PCDH15: variants seen among roughly 807,000 people sequenced by gnomAD.
The protein encoded by PCDH15 is protocadherin-15.
Under a neutral mutation model 178.5 loss-of-function variants are expected in PCDH15, and 129 were observed. That is an observed-to-expected ratio of 0.72 (90% CI 0.63 to 0.84). PCDH15 has a LOEUF of 0.84. PCDH15 is among the 40% of genes least tolerant of loss of function. PCDH15 has a pLI of 0.00. For missense variants in PCDH15, 2,230 were observed against 2,099.9 expected, an observed-to-expected ratio of 1.06 and a Z score of -1.21; for synonymous variants, 800 against 732.0, an observed-to-expected ratio of 1.09 and a Z score of -1.50.
chr10:55,114,325 T>C (rs1303566705), intron 2 of PCDH15, among the ~76,000 whole-genome samples: 2 of 152,208 alleles, frequency 1.3e-5, no homozygotes, highest in Non-Finnish European at 2.9e-5. Flanking sequence ...TACGTTCTTT[T>C]CACAGTATCT....
intron 3 of PCDH15, among the ~76,000 whole-genome samples, chr10:54,889,486 T>C (rs1954421654): frequency 1.6e-5 from 2 of 124,582 alleles, no homozygotes; most frequent in Admixed American, 1.9e-4. Flanking sequence ...GTATTTTGAA[T>C]AGCTAATTGT....
At chr10:54,097,353 GGTGT>G (rs1158302289) in intron 15 of PCDH15, among the ~76,000 whole-genome samples, 1 of 152,034 alleles carries the variant, frequency 6.6e-6, no homozygotes, top group Non-Finnish European at 1.5e-5. Context: ...AAACATATCA[GGTGT>G]GTCTAAACTT....
chr10:54,677,325 A>T lies in PCDH15; in HGVS notation c.-28-13035T>A, dbSNP rs545964855. On this transcript the variant is annotated intron_variant, in intron 1 of 37. Coordinates refer to ENST00000644397, the MANE Select transcript of PCDH15 (RefSeq NM_001384140.1). ...AGCCCAGGAGTTCAAGGTTACAGTG[A>T]GATATGATCGTGTTACTGCAGGGAC... Among the ~76,000 whole-genome samples, 12 of 152,288 alleles carry T rather than the reference A, an allele frequency of 7.9e-5. No homozygotes were observed. The South Asian group carries it at 2.5e-3, about 32-fold the overall frequency.
chr10:54,491,848 C>T (rs976323705), intron 3 of PCDH15, among the ~76,000 whole-genome samples: 2 of 152,080 alleles, frequency 1.3e-5, no homozygotes, highest in East Asian at 3.9e-4. Flanking sequence ...TTGCTCATTA[C>T]TGATTCATCT....
intron 23 of PCDH15, among the ~76,000 whole-genome samples, chr10:53,956,153 A>G (rs1459166588): frequency 2.6e-5 from 4 of 152,148 alleles, no homozygotes; most frequent in Non-Finnish European, 5.9e-5. Flanking sequence ...ATATTAGTTG[A>G]AACAACAGTA....
At chr10:55,220,854 G>GT (rs796218622) in intron 1 of PCDH15, among the ~76,000 whole-genome samples, 19 of 151,828 alleles carry the variant, frequency 1.3e-4, no homozygotes, top group Admixed American at 9.2e-4. Flanking sequence ...TCCATTCAGT[G>GT]TTTTTTTGTT....
chr10:54,843,814 C>T (rs562680007), intron 3 of PCDH15, among the ~76,000 whole-genome samples: 37 of 151,894 alleles, frequency 2.4e-4, no homozygotes, highest in Admixed American at 3.3e-4. Flanking sequence ...ATACATCTTA[C>T]GGGGATCAGT....
intron 30 of PCDH15, among the ~76,000 whole-genome samples, chr10:53,830,525 T>G (rs12250628): frequency 6.6e-6 from 1 of 152,160 alleles, no homozygotes; most frequent in East Asian, 1.9e-4. Flanking sequence ...CAAGTCATTG[T>G]CTATAGAAAT....
At chr10:54,022,354 T>A (rs2092949945) in intron 19 of PCDH15, among the ~76,000 whole-genome samples, 1 of 152,026 alleles carries the variant, frequency 6.6e-6, no homozygotes, top group East Asian at 1.9e-4. Flanking sequence ...CAATACAGAA[T>A]AATGGGTATA....
At position 54,810,490 on chromosome 10, in the gene PCDH15, C is replaced by T. The variant is rs548021372; in HGVS notation, c.-29+86960G>A. On this transcript the variant is annotated intron_variant, in intron 3 of 5. Coordinates refer to the PCDH15 transcript ENST00000458638. ...TATGGATATTGTACATCTTTCTAGA[C>T]GTAACATCAACAAATTGGGAAAAAA... is the stretch of plus-strand genomic sequence containing the variant. Among the ~76,000 whole-genome samples, 89 of 152,012 alleles carry T rather than the reference C, an allele frequency of 5.9e-4. 1 individual carries two copies. Among genetic ancestry groups the T allele is most frequent in the African/African-American group, 1.9e-3 (79 of 41,476 alleles).
intron 2 of PCDH15, among the ~76,000 whole-genome samples, chr10:55,602,032 G>C (rs1225477581): frequency 2.0e-5 from 3 of 152,082 alleles, no homozygotes; most frequent in Non-Finnish European, 2.9e-5. Flanking sequence ...GGGTGCACGC[G>C]CCGTGCACCA....
intron 2 of PCDH15, among the ~76,000 whole-genome samples, chr10:55,149,413 A>T: frequency 6.6e-6 from 1 of 152,148 alleles, no homozygotes; most frequent in East Asian, 1.9e-4. Context: ...ACTTACACAT[A>T]TAGTATCAAT....
chr10:53,959,933 A>G, intron 22 of PCDH15, 89 bp from the exon 23 acceptor site: 2 of 1,017,340 alleles, frequency 2.0e-6, no homozygotes, highest in East Asian at 2.6e-5. Flanking sequence ...TACTTATTGG[A>G]TTGCCTGGTT....
chr10:54,188,435 T>C (rs931555498), intron 11 of PCDH15, among the ~76,000 whole-genome samples: 1 of 151,812 alleles, frequency 6.6e-6, no homozygotes, highest in Non-Finnish European at 1.5e-5. Flanking sequence ...TAAAATGAAT[T>C]TAAGTGTTAA....
intron 1 of PCDH15, among the ~76,000 whole-genome samples, chr10:54,717,414 GA>G (rs2095494081): frequency 7.2e-6 from 1 of 139,018 alleles, no homozygotes; most frequent in Non-Finnish European, 1.5e-5. Flanking sequence ...AAATTTACAA[GA>G]AAAAAACAAA....
At chr10:55,171,558 G>C (rs1839331989) in intron 1 of PCDH15, among the ~76,000 whole-genome samples, 1 of 151,946 alleles carries the variant, frequency 6.6e-6, no homozygotes, top group Non-Finnish European at 1.5e-5. Context: ...CGACATAAAA[G>C]AAAAATGGAA....
chr10:53,831,131 T>C lies in PCDH15; in HGVS notation c.4202+184A>G, dbSNP rs1365117758. ...AATATTGGGCCATCAGTGAAAAATG[T>C]ACTGGGAGTTTGTACTGTTTTCCTT... is the stretch of plus-strand genomic sequence containing the variant. On this transcript the variant is annotated intron_variant, in intron 30 of 37. Transcript: ENST00000644397. The C allele has an allele frequency of 7.8e-6, 6 of 772,072 alleles. No individual in the cohort carries two copies. In the African/African-American group the frequency reaches 1.0e-4, roughly 13 times the overall value. 47.8% of individuals were successfully genotyped at this position (772,072 alleles called of 1,614,324 possible). A position where few individuals can be genotyped will look rare whatever the true frequency, so the allele number is the denominator to read the frequency against.
intron 8 of PCDH15, among the ~76,000 whole-genome samples, chr10:54,303,728 AT>A (rs1236841212): frequency 6.6e-6 from 1 of 152,190 alleles, no homozygotes; most frequent in Non-Finnish European, 1.5e-5. Flanking sequence ...GAAGTACTTT[AT>A]TTCTGACACT....
intron 15 of PCDH15, among the ~76,000 whole-genome samples, chr10:54,095,177 A>T (rs533353179): frequency 1.3e-5 from 2 of 152,302 alleles, no homozygotes; most frequent in African/African-American, 4.8e-5. Flanking sequence ...TTATGTTATT[A>T]AACCACTTGA....
Sources: allele counts gnomAD v4.1 joint callset (sites outside exome capture counted in the v4.1 genomes callset), GRCh38; gene constraint gnomAD v4.1.1; transcripts MANE v1.5; gene names NCBI Gene and HGNC (gene_info 2026-07-23, HGNC 2026-07-21).